The following LIPJ variants were observed in gnomAD, a reference collection of about 807,000 sequenced individuals.
The protein encoded by LIPJ is lipase member J.
A neutral mutation model predicts 39.8 loss-of-function variants in LIPJ; 33 were observed. The ratio of observed to expected loss-of-function variants is 0.83; its 90% CI spans 0.63 to 1.11. LIPJ has a LOEUF of 1.11. LIPJ is among the 50% of genes least tolerant of loss of function. The pLI, the probability that LIPJ is intolerant of heterozygous loss-of-function variation, is 0.00. For synonymous variants in LIPJ, 128 were observed against 139.2 expected (o/e 0.92, Z 0.57); for missense variants, 422 against 427.9 (o/e 0.99, Z 0.12).
chr10:88,615,442 A>G, the LIPJ span, among the ~76,000 whole-genome samples: 88 of 152,044 alleles, frequency 5.8e-4, 1 homozygote, highest in Non-Finnish European at 1.0e-3. Flanking sequence ...AATCCCAGCT[A>G]CTTGGGAGGG....
In LIPJ at chr10:88,605,652, T is replaced by C. The variant is rs764956484; in HGVS notation, c.815T>C (p.Leu272Ser). Residue 272 changes from leucine to serine, a missense_variant, in exon 10 of 11, where the codon TTG becomes TCG. By Grantham distance (145) the Leu-to-Ser change is moderately radical. Transcript: ENST00000371939. ...TTTCAGCTTTTAAATTCTACTCATT[T>C]GAAAGCTTATGACTGGGGCAGTCCT... 17 of 1,611,340 alleles carry C rather than the reference T, an allele frequency of 1.1e-5. No individual in the cohort carries two copies. In the Admixed American group the frequency reaches 2.7e-4, roughly 25 times the overall value.
chr10:88,608,714 A>G (rs1313914803), downstream of LIPJ, among the ~76,000 whole-genome samples: 1 of 152,236 alleles, frequency 6.6e-6, no homozygotes, highest in Non-Finnish European at 1.5e-5. Context: ...TAGTTAACAC[A>G]TACTTATGGA....
chr10:88,598,941 TTA>T (rs1491057868), intron 8 of LIPJ, among the ~76,000 whole-genome samples: 1 of 124,342 alleles, frequency 8.0e-6, no homozygotes, highest in Non-Finnish European at 1.7e-5. Context: ...ATATAATATT[TTA>T]TATTGTATTT....
At chr10:88,613,800 A>ATATATATATATATATATATATCTTTGTG in the LIPJ span, among the ~76,000 whole-genome samples, 1 of 74,172 alleles carries the variant, frequency 1.3e-5, no homozygotes, top group Admixed American at 1.7e-4. Flanking sequence ...ATATATATAT[A>ATATATATATATATATATATATCTTTGTG]TGTGTGTGTG....
the LIPJ span, among the ~76,000 whole-genome samples, chr10:88,622,422 C>T: frequency 1.3e-5 from 2 of 152,170 alleles, no homozygotes; most frequent in Admixed American, 6.5e-5. Context: ...GCAGAGGAAA[C>T]AATTAAGGCA....
Position 88,591,226 on chromosome 10 carries a change from A to C in LIPJ, c.10-152A>C. On this transcript the variant is annotated intron_variant, in intron 3 of 10. Coordinates refer to ENST00000371939, the Ensembl canonical transcript of LIPJ. Reference sequence around the variant, plus strand: ...TTTACAAATATTTATTATCTGTATGAATCAGTAAATTAGTGAAAATAAAAA... The same window carrying C: ...TTTACAAATATTTATTATCTGTATGCATCAGTAAATTAGTGAAAATAAAAA... The C allele has an allele frequency of 5.9e-6, 3 of 511,798 alleles. No homozygotes were observed. In the South Asian group the frequency reaches 9.1e-5, roughly 16 times the overall value. 31.7% of individuals were successfully genotyped at this position (511,798 alleles called of 1,614,324 possible). A position where few individuals can be genotyped will look rare whatever the true frequency, so the allele number is the denominator to read the frequency against.
At chr10:88,596,197 C>A (rs1460922429) in intron 6 of LIPJ, 83 bp from the exon 7 acceptor site, 37 of 922,724 alleles carry the variant, frequency 4.0e-5, no homozygotes, top group Non-Finnish European at 5.5e-5. Flanking sequence ...TTTGAACTTA[C>A]TCTTATTCTC....
chr10:88,607,056 C>A, downstream of LIPJ: 1 of 743,470 alleles, frequency 1.3e-6, no homozygotes, highest in Non-Finnish European at 1.9e-6. Context: ...GCCCTCCAGT[C>A]ATTAAATCAG....
intron 8 of LIPJ, among the ~76,000 whole-genome samples, chr10:88,602,177 CAAA>C (rs1022921443): frequency 1.3e-4 from 20 of 152,084 alleles, no homozygotes; most frequent in Non-Finnish European, 2.6e-4. Context: ...TAACCTTAAA[CAAA>C]CTGACTTTGT....
upstream of LIPJ, chr10:88,583,538 A>G (rs562340999): frequency 3.1e-5 from 34 of 1,108,602 alleles, 2 homozygotes; most frequent in Middle Eastern, 1.2e-3. Flanking sequence ...CGTTGACCAC[A>G]GCAGAGAAGC....
chr10:88,586,590 A>G (rs1850925997), upstream of LIPJ, among the ~76,000 whole-genome samples: 1 of 152,152 alleles, frequency 6.6e-6, no homozygotes, highest in Non-Finnish European at 1.5e-5. Flanking sequence ...TGGAAAAATG[A>G]ATGCTTTATT....
At chr10:88,583,313 G>C (rs889535387), upstream of LIPJ, 34 of 1,443,224 alleles carry the variant, frequency 2.4e-5, no homozygotes, top group Non-Finnish European at 3.1e-5. Flanking sequence ...GGCCGACCTG[G>C]GCCCTGAGCT....
At chr10:88,613,558 G>C in the LIPJ span, among the ~76,000 whole-genome samples, 1 of 151,688 alleles carries the variant, frequency 6.6e-6, no homozygotes, top group East Asian at 1.9e-4. Context: ...AGCAAGGAAA[G>C]AGAATGCACA....
chr10:88,605,553 A>C (rs1241120686), intron 9 of LIPJ, 80 bp from the exon 10 acceptor site: 2 of 878,032 alleles, frequency 2.3e-6, no homozygotes, highest in Admixed American at 3.7e-5. Flanking sequence ...ATGGGGGTAT[A>C]TATGCATTGC....
chr10:88,613,186 A>T, the LIPJ span, among the ~76,000 whole-genome samples: 2 of 152,284 alleles, frequency 1.3e-5, no homozygotes, highest in East Asian at 3.9e-4. Context: ...GGGCAATAGC[A>T]GGCATCATTC....
chr10:88,606,695 A>G, exon 11 of LIPJ: 1 of 1,611,968 alleles, frequency 6.2e-7, no homozygotes, highest in Non-Finnish European at 8.5e-7. Flanking sequence ...ATTATACAAC[A>G]TGACAAACAT....
At chr10:88,622,254 A>T in the LIPJ span, among the ~76,000 whole-genome samples, 1 of 152,148 alleles carries the variant, frequency 6.6e-6, no homozygotes, top group Admixed American at 6.5e-5. Flanking sequence ...GTGGGATTCC[A>T]CTAAGACTTA....
At chr10:88,583,530 T>A, upstream of LIPJ, 1 of 1,150,596 alleles carries the variant, frequency 8.7e-7, no homozygotes, top group Non-Finnish European at 1.1e-6. Flanking sequence ...AGAGCTGACG[T>A]TGACCACAGC....
chr10:88,583,305 C>T, upstream of LIPJ: 1 of 1,476,590 alleles, frequency 6.8e-7, no homozygotes. Flanking sequence ...GCTCCCTGGG[C>T]CGACCTGGGC....
Sources: gnomAD v4.1 joint callset for allele counts (sites outside exome capture counted in the v4.1 genomes callset) on GRCh38, gnomAD v4.1.1 for gene constraint, MANE v1.5 for transcripts, NCBI Gene and HGNC (gene_info 2026-07-23, HGNC 2026-07-21) for gene names.